RAD51B: variants seen among roughly 807,000 people sequenced by gnomAD.
RAD51B encodes DNA repair protein RAD51 homolog 2.
In RAD51B, 38 loss-of-function variants were observed where a neutral mutation model predicts 42.2. That is an observed-to-expected ratio of 0.90 (90% CI 0.70 to 1.18). The LOEUF is 1.18. RAD51B is among the 50% of genes most tolerant of loss of function. The pLI, the probability that RAD51B is intolerant of heterozygous loss-of-function variation, is 0.00. For synonymous variants in RAD51B, 154 were observed against 145.2 expected, an observed-to-expected ratio of 1.06 and a Z score of -0.43; for missense variants, 373 against 400.7, an observed-to-expected ratio of 0.93 and a Z score of 0.59.
At chr14:68,029,199 G>A (rs896466901) in intron 7 of RAD51B, among the ~76,000 whole-genome samples, 1 of 152,282 alleles carries the variant, frequency 6.6e-6, no homozygotes, top group Non-Finnish European at 1.5e-5. Flanking sequence ...TTTCTTCTCT[G>A]AAGATCCGTT....
At chr14:68,305,031 C>T (rs1191766496) in intron 8 of RAD51B, among the ~76,000 whole-genome samples, 2 of 152,156 alleles carry the variant, frequency 1.3e-5, no homozygotes, top group East Asian at 3.8e-4. Flanking sequence ...AACTATAGTG[C>T]TACTATATAA....
intron 10 of RAD51B, among the ~76,000 whole-genome samples, chr14:68,469,828 C>T (rs143597988): frequency 2.6e-5 from 4 of 152,262 alleles, no homozygotes; most frequent in South Asian, 4.1e-4. Context: ...GCTCAGATGA[C>T]GTGTGTGAAG....
chr14:68,204,079 T>C (rs180694481), intron 7 of RAD51B, among the ~76,000 whole-genome samples: 2 of 152,368 alleles, frequency 1.3e-5, no homozygotes, highest in East Asian at 1.9e-4. Context: ...CATGAACTTT[T>C]GCTTTGCATT....
intron 10 of RAD51B, among the ~76,000 whole-genome samples, chr14:68,536,386 C>T (rs1318447959): frequency 1.3e-5 from 2 of 152,184 alleles, no homozygotes; most frequent in Non-Finnish European, 2.9e-5. Context: ...TAAAACATTT[C>T]AACTTGAGAA....
chr14:68,030,563 T>G (rs1292046249), intron 7 of RAD51B, among the ~76,000 whole-genome samples: 6 of 152,224 alleles, frequency 3.9e-5, no homozygotes, highest in Non-Finnish European at 8.8e-5. Context: ...GTTATGGACT[T>G]GCTCTGAATT....
intron 7 of RAD51B, among the ~76,000 whole-genome samples, chr14:68,224,315 A>G (rs1026942758): frequency 6.6e-6 from 1 of 152,206 alleles, no homozygotes; most frequent in Admixed American, 6.5e-5. Flanking sequence ...GTACAATAGT[A>G]TCTCTCTGGA....
Position 67,842,930 on chromosome 14 carries a change from A to G in RAD51B, c.315+7734A>G, listed in dbSNP as rs2041479581. On this transcript the variant is annotated intron_variant, in intron 4 of 10. Coordinates refer to ENST00000471583, the MANE Select transcript of RAD51B (RefSeq NM_133510.4). ...TTTTTCTGTGTCTATGGAGATGATC[A>G]TATGGTTTTTACTTTAAATCTGTTT... 4.6e-5 allele frequency among the ~76,000 whole-genome samples: 7 copies of G among 152,270 alleles called. No individual in the cohort carries two copies. In the South Asian group the frequency reaches 1.4e-3, roughly 32 times the overall value.
intron 8 of RAD51B, among the ~76,000 whole-genome samples, chr14:68,331,810 T>C (rs949357470): frequency 6.6e-5 from 10 of 152,218 alleles, no homozygotes; most frequent in African/African-American, 2.4e-4. Flanking sequence ...TGATAATTTC[T>C]ATATTTGTAG....
chr14:68,142,899 C>A (rs1051350904), intron 7 of RAD51B, among the ~76,000 whole-genome samples: 3 of 151,496 alleles, frequency 2.0e-5, no homozygotes, highest in African/African-American at 7.3e-5. Flanking sequence ...TTTATCAAGT[C>A]TCCACTAAAA....
chr14:68,389,771 T>C (rs1178298922), intron 8 of RAD51B, among the ~76,000 whole-genome samples: 2 of 152,216 alleles, frequency 1.3e-5, no homozygotes, highest in African/African-American at 2.4e-5. Flanking sequence ...TTTTGTCCGA[T>C]GTAGATTTGA....
At chr14:68,090,561 G>A (rs527638231) in intron 7 of RAD51B, among the ~76,000 whole-genome samples, 16 of 152,078 alleles carry the variant, frequency 1.1e-4, no homozygotes, top group Middle Eastern at 3.4e-3. Flanking sequence ...GTGCAAATGT[G>A]TGATGTTATT....
At chr14:68,598,826 T>A (rs1317950319), downstream of RAD51B, among the ~76,000 whole-genome samples, 1 of 151,886 alleles carries the variant, frequency 6.6e-6, no homozygotes, top group Admixed American at 6.6e-5. Flanking sequence ...GAAAATGGAG[T>A]ATTATTATTA....
At chr14:68,545,108 C>T (rs947926206) in intron 10 of RAD51B, among the ~76,000 whole-genome samples, 8 of 152,236 alleles carry the variant, frequency 5.3e-5, no homozygotes, top group Non-Finnish European at 1.0e-4. Flanking sequence ...AGAACCAACT[C>T]ATGATCTAGA....
intron 7 of RAD51B, among the ~76,000 whole-genome samples, chr14:67,901,714 C>T (rs1477493091): frequency 6.6e-6 from 1 of 152,128 alleles, no homozygotes; most frequent in African/African-American, 2.4e-5. Flanking sequence ...TATATATACA[C>T]AATGGAATAC....
chr14:68,359,087 G>A (rs2082966669), intron 8 of RAD51B, among the ~76,000 whole-genome samples: 1 of 152,062 alleles, frequency 6.6e-6, no homozygotes, highest in Non-Finnish European at 1.5e-5. Context: ...CCATAGGCCA[G>A]CCTCTCTGAG....
intron 10 of RAD51B, among the ~76,000 whole-genome samples, chr14:68,588,899 A>C (rs1170606475): frequency 1.3e-5 from 2 of 152,212 alleles, no homozygotes; most frequent in African/African-American, 2.4e-5. Context: ...CAATGTCTCC[A>C]TAAATGCTGG....
At chr14:68,318,653 G>T (rs768175539) in intron 8 of RAD51B, among the ~76,000 whole-genome samples, 119 of 152,304 alleles carry the variant, frequency 7.8e-4, no homozygotes, top group Non-Finnish European at 1.5e-3. Flanking sequence ...TGACATGGCG[G>T]ACCTCCCTCT....
chr14:67,850,835 G>A (rs1425823146), intron 4 of RAD51B, among the ~76,000 whole-genome samples: 2 of 152,100 alleles, frequency 1.3e-5, no homozygotes, highest in Admixed American at 1.3e-4. Flanking sequence ...TAGATAGACT[G>A]GAATGTAGAT....
intron 7 of RAD51B, among the ~76,000 whole-genome samples, chr14:68,188,912 T>C (rs1002292586): frequency 6.6e-6 from 1 of 152,044 alleles, no homozygotes; most frequent in African/African-American, 2.4e-5. Flanking sequence ...ACTAGGATGC[T>C]TTTTGCCAGC....
Sources: allele counts gnomAD v4.1 joint callset (sites outside exome capture counted in the v4.1 genomes callset), GRCh38; gene constraint gnomAD v4.1.1; transcripts MANE v1.5; gene names NCBI Gene and HGNC (gene_info 2026-07-23, HGNC 2026-07-21).